The following GNA13 variants were observed in gnomAD, a reference collection of about 807,000 sequenced individuals.
The protein encoded by GNA13 is G protein subunit alpha 13, also known as guanine nucleotide-binding protein subunit alpha-13.
In GNA13, 4 loss-of-function variants were observed where a neutral mutation model predicts 33.5. The ratio of observed to expected loss-of-function variants is 0.12; its 90% CI spans 0.06 to 0.27. GNA13 has a LOEUF of 0.27. Ranked by LOEUF, GNA13 falls within the 10% of genes least tolerant of loss-of-function variation. GNA13 has a pLI of 1.00. For synonymous variants in GNA13, 176 were observed against 183.8 expected (o/e 0.96, Z 0.34); for missense variants, 319 against 487.2 (o/e 0.65, Z 3.25).
At chr17:65,052,132 T>A (rs889943423) in intron 2 of GNA13, 1 of 152,172 alleles carries the variant, frequency 6.6e-6, no homozygotes, top group African/African-American at 2.4e-5. Context: ...GGTGACATCA[T>A]CAAACAACTT....
chr17:65,029,656 T>C (rs1906931025), intron 2 of GNA13, among the ~76,000 whole-genome samples: 1 of 152,224 alleles, frequency 6.6e-6, no homozygotes, highest in Non-Finnish European at 1.5e-5. Flanking sequence ...TTTATTTTTA[T>C]ATGTAGTCCT....
chr17:65,034,346 G>A (rs554347942), intron 2 of GNA13, among the ~76,000 whole-genome samples: 1 of 151,510 alleles, frequency 6.6e-6, no homozygotes, highest in African/African-American at 2.4e-5. Context: ...TTTTGTGTTG[G>A]CCTTATCACC....
At chr17:65,048,511 A>C (rs1383073966) in intron 2 of GNA13, among the ~76,000 whole-genome samples, 4 of 152,214 alleles carry the variant, frequency 2.6e-5, no homozygotes, top group African/African-American at 9.6e-5. Flanking sequence ...TCAGTATGCT[A>C]ATTTATAATA....
chr17:65,014,341 G>T lies in GNA13; in HGVS notation c.1050C>A (p.Ile350=). 6.2e-7 allele frequency: 1 copy of T among 1,613,626 alleles called. No individual in the cohort carries two copies. The highest frequency in any genetic ancestry group is 8.5e-7 in the Non-Finnish European group (1 of 1,179,532). Residue 350 remains isoleucine, a synonymous_variant, in exon 4 of 4, where the codon ATC becomes ATA. Transcript: ENST00000439174. The surrounding 1 kb of genome is among the most constrained non-coding windows in gnomAD (Gnocchi z 5.3). The stretch of plus-strand genomic sequence containing the variant: ...AAACAAGGCGGATGTTCTCCGTGTT[G>T]ATAGCAGTGGTGAAGTGGTGGTATA... ...KPLYHHFTTA[I]NTENIRLVFR...
intron 1 of GNA13, among the ~76,000 whole-genome samples, chr17:65,054,504 G>C (rs985458112): frequency 1.4e-4 from 21 of 152,164 alleles, no homozygotes; most frequent in Non-Finnish European, 2.5e-4. Flanking sequence ...TAGAGACGAG[G>C]TCTGGCTATG....
chr17:65,036,248 G>T (rs1288349479), intron 2 of GNA13, among the ~76,000 whole-genome samples: 1 of 152,212 alleles, frequency 6.6e-6, no homozygotes, highest in Non-Finnish European at 1.5e-5. Context: ...AAAAGCTGAT[G>T]AATGTGAAAA....
chr17:65,032,454 C>G (rs1457827184), intron 2 of GNA13, among the ~76,000 whole-genome samples: 2 of 152,180 alleles, frequency 1.3e-5, no homozygotes, highest in Admixed American at 1.3e-4. Flanking sequence ...AGTTTATTCA[C>G]AGCTTTGAAA....
intron 2 of GNA13, among the ~76,000 whole-genome samples, chr17:65,039,130 A>G (rs1907367367): frequency 6.6e-6 from 1 of 152,150 alleles, no homozygotes; most frequent in Non-Finnish European, 1.5e-5. Context: ...AAAGCCAGAA[A>G]CTTGAGTCAC....
chr17:65,022,452 C>T (rs982565240), intron 2 of GNA13, among the ~76,000 whole-genome samples: 3 of 150,866 alleles, frequency 2.0e-5, no homozygotes, highest in African/African-American at 7.3e-5. Flanking sequence ...AAAAAGAAGG[C>T]CCTGAATACC....
At chr17:65,056,215 A>G in intron 1 of GNA13, 96 bp downstream of exon 1, 3 of 986,144 alleles carry the variant, frequency 3.0e-6, no homozygotes, top group Non-Finnish European at 4.1e-6. Flanking sequence ...TTCCTTCGCC[A>G]GCGACACAGC....
chr17:65,023,473 T>C (rs1906662986), intron 2 of GNA13, among the ~76,000 whole-genome samples: 1 of 152,340 alleles, frequency 6.6e-6, no homozygotes, highest in Middle Eastern at 3.4e-3. Context: ...AGAACTACCC[T>C]TAACCACTAT....
chr17:65,017,350 A>ACAG, intron 3 of GNA13, among the ~76,000 whole-genome samples: 1 of 152,238 alleles, frequency 6.6e-6, no homozygotes, highest in Non-Finnish European at 1.5e-5. Context: ...CGAGTGCTAA[A>ACAG]TAGTCTGGCA....
chr17:65,035,511 T>C (rs1907210563), intron 2 of GNA13, among the ~76,000 whole-genome samples: 1 of 152,166 alleles, frequency 6.6e-6, no homozygotes. Context: ...AACTGGATGA[T>C]ATTTTACAAT....
At chr17:65,055,477 T>C (rs1039583627) in intron 1 of GNA13, 7 of 298,920 alleles carry the variant, frequency 2.3e-5, no homozygotes, top group East Asian at 1.7e-4. Flanking sequence ...CCAGTCTTCT[T>C]ACTACTACAT....
Position 65,014,491 on chromosome 17 carries a change from C to T in GNA13, c.900G>A (p.Val300=), listed in dbSNP as rs368514878. Residue 300 remains valine (V), a synonymous_variant, in exon 4 of 4, where the codon GTG becomes GTA. Transcript: ENST00000439174. The surrounding 1 kb of genome is among the most constrained non-coding windows in gnomAD (Gnocchi z 5.3). Reference sequence around the variant, plus strand: ...AATAGTCTTTGATGCTCACAATTTGCACCTTCTCCTCAAGCAAGTCTGTCT... The same window carrying T: ...AATAGTCTTTGATGCTCACAATTTGTACCTTCTCCTCAAGCAAGTCTGTCT... ...LNKTDLLEEK[V]QIVSIKDYFL... 11 of 1,613,490 alleles carry T rather than the reference C, an allele frequency of 6.8e-6. No individual in the cohort carries two copies. The African/African-American group carries it at 1.5e-4, about 22-fold the overall frequency.
At chr17:65,048,964 A>C (rs1907766096) in intron 2 of GNA13, among the ~76,000 whole-genome samples, 1 of 152,202 alleles carries the variant, frequency 6.6e-6, no homozygotes, top group South Asian at 2.1e-4. Flanking sequence ...GCTGCTAAAC[A>C]TAACAAAACA....
intron 2 of GNA13, among the ~76,000 whole-genome samples, chr17:65,033,197 T>C (rs1234320209): frequency 6.6e-6 from 1 of 151,750 alleles, no homozygotes; most frequent in Non-Finnish European, 1.5e-5. Flanking sequence ...CATTAGAGCA[T>C]AGTTAGGCTG....
At position 65,012,829 on chromosome 17, in the gene GNA13, T is replaced by G. The variant is rs960912207; in HGVS notation, c.*1428A>C. 22 of 218,494 alleles carry G rather than the reference T, an allele frequency of 1.0e-4. No individual in the cohort carries two copies. The highest frequency in any genetic ancestry group is 4.3e-4 in the African/African-American group (19 of 44,544). 13.5% of individuals were successfully genotyped at this position (218,494 alleles called of 1,614,324 possible). ...GAAAAGTAGAAAAGCTGTCAGACTT[T>G]TCAAGCTGTCGCCAGCCTTGGACTT... On this transcript the variant is annotated 3_prime_UTR_variant, in exon 4 of 4. Coordinates refer to ENST00000439174, the MANE Select transcript of GNA13 (RefSeq NM_006572.6).
chr17:65,035,021 G>A (rs1253287990), intron 2 of GNA13, among the ~76,000 whole-genome samples: 2 of 152,192 alleles, frequency 1.3e-5, no homozygotes, highest in Admixed American at 6.5e-5. Flanking sequence ...CCGACCTCAG[G>A]TGATCCACCC....
Sources: gnomAD v4.1 joint callset for allele counts (sites outside exome capture counted in the v4.1 genomes callset) on GRCh38, gnomAD v4.1.1 for gene constraint, Gnocchi (gnomAD v3.1) non-coding constraint, MANE v1.5 for transcripts, NCBI Gene and HGNC (gene_info 2026-07-23, HGNC 2026-07-21) for gene names.